SORCS3: variants seen among roughly 807,000 people sequenced by gnomAD.
SORCS3 encodes sortilin related VPS10 domain containing receptor 3.
Under a neutral mutation model 146.3 loss-of-function variants are expected in SORCS3, and 57 were observed. The ratio of observed to expected loss-of-function variants is 0.39; its 90% CI spans 0.31 to 0.49. The LOEUF is 0.49. SORCS3 is among the 20% of genes least tolerant of loss of function. The pLI is 0.92. For synonymous variants in SORCS3, 653 were observed against 618.5 expected (o/e 1.06, Z -0.83); for missense variants, 1,341 against 1,575.5 (o/e 0.85, Z 2.52).
At chr10:105,000,017 G>A (rs189460090) in intron 4 of SORCS3, among the ~76,000 whole-genome samples, 1 of 151,858 alleles carries the variant, frequency 6.6e-6, no homozygotes, top group South Asian at 2.1e-4. Flanking sequence ...ATAAAGTACA[G>A]TCTTCCTAAA....
chr10:104,876,148 CTG>C (rs1420924411), intron 2 of SORCS3, among the ~76,000 whole-genome samples: 1 of 152,196 alleles, frequency 6.6e-6, no homozygotes, highest in Non-Finnish European at 1.5e-5. Context: ...ACAAAAAGGA[CTG>C]TGACTTCAAC....
At chr10:104,813,642 C>A (rs994016028) in intron 1 of SORCS3, among the ~76,000 whole-genome samples, 1 of 152,150 alleles carries the variant, frequency 6.6e-6, no homozygotes, top group African/African-American at 2.4e-5. Context: ...CTGTCCCACA[C>A]CCCTTAGCCT....
intron 5 of SORCS3, among the ~76,000 whole-genome samples, chr10:105,080,742 T>C (rs972764502): frequency 1.3e-5 from 2 of 152,124 alleles, no homozygotes; most frequent in African/African-American, 4.8e-5. Context: ...AGGGGTCCAG[T>C]TTCAATCTTC....
chr10:105,219,426 G>A (rs1055521398), intron 19 of SORCS3, among the ~76,000 whole-genome samples: 2 of 152,106 alleles, frequency 1.3e-5, no homozygotes, highest in African/African-American at 4.8e-5. Flanking sequence ...CTTCTGCCTG[G>A]CATATACCAA....
chr10:104,855,528 G>A (rs2018320955), intron 2 of SORCS3, among the ~76,000 whole-genome samples: 1 of 152,106 alleles, frequency 6.6e-6, no homozygotes, highest in Non-Finnish European at 1.5e-5. Context: ...AAATCTGTGT[G>A]TATTTTGTTA....
intron 5 of SORCS3, among the ~76,000 whole-genome samples, chr10:105,055,703 G>C (rs1360646734): frequency 3.3e-5 from 5 of 152,172 alleles, no homozygotes; most frequent in African/African-American, 1.2e-4. Flanking sequence ...AAGTTAGAAA[G>C]CATCTGCACT....
At chr10:105,081,587 A>G (rs146732626) in intron 5 of SORCS3, among the ~76,000 whole-genome samples, 21 of 152,260 alleles carry the variant, frequency 1.4e-4, no homozygotes, top group African/African-American at 5.1e-4. Context: ...TAGGATTTGG[A>G]GACTGTTTGC....
intron 7 of SORCS3, among the ~76,000 whole-genome samples, chr10:105,132,114 G>T (rs556396325): frequency 6.6e-6 from 1 of 152,076 alleles, no homozygotes; most frequent in Admixed American, 6.6e-5. Context: ...AGATAAACTT[G>T]GGTTCAAATT....
intron 1 of SORCS3, among the ~76,000 whole-genome samples, chr10:104,690,317 G>T (rs536840039): frequency 6.6e-6 from 1 of 152,306 alleles, no homozygotes; most frequent in South Asian, 2.1e-4. Flanking sequence ...TTCTGCTGCC[G>T]TGCTCCTCTC....
At chr10:105,206,732 A>G (rs528393406) in intron 16 of SORCS3, among the ~76,000 whole-genome samples, 1 of 152,334 alleles carries the variant, frequency 6.6e-6, no homozygotes, top group Non-Finnish European at 1.5e-5. Context: ...CTTATGTCTT[A>G]GCTAAATGAT....
At chr10:104,693,928 G>C (rs1053726581) in intron 1 of SORCS3, among the ~76,000 whole-genome samples, 4 of 152,004 alleles carry the variant, frequency 2.6e-5, no homozygotes, top group African/African-American at 4.8e-5. Context: ...CATGGGGAGT[G>C]GAAATGTAAT....
At chr10:104,980,309 T>G (rs115156580) in intron 4 of SORCS3, among the ~76,000 whole-genome samples, 1,681 of 152,362 alleles carry the variant, frequency 0.011, 28 homozygotes, top group African/African-American at 0.038. Flanking sequence ...TTGGCCGTTC[T>G]TCTTTTAAAT....
intron 4 of SORCS3, among the ~76,000 whole-genome samples, chr10:105,003,882 G>A (rs1365121517): frequency 6.6e-6 from 1 of 152,016 alleles, no homozygotes; most frequent in Non-Finnish European, 1.5e-5. Flanking sequence ...GCTTCTTGTG[G>A]GCACTTCATT....
At chr10:104,982,334 T>C (rs1320571765) in intron 4 of SORCS3, among the ~76,000 whole-genome samples, 2 of 152,204 alleles carry the variant, frequency 1.3e-5, no homozygotes, top group South Asian at 2.1e-4. Flanking sequence ...AAAGAAACTG[T>C]GACTTTCATT....
rs2056971057 is a variant in SORCS3 at position 105,263,064 on chromosome 10, A to T, written c.3605-246A>T. On this transcript the variant is annotated intron_variant, in intron 26 of 26. Transcript: ENST00000369701. ...ATACACATTGGCTGTTACTGTTGTT[A>T]TCAATAGAATATAAGATAGCAGTCA... is the stretch of plus-strand genomic sequence containing the variant. 2.0e-5 allele frequency among the ~76,000 whole-genome samples: 3 copies of T among 152,260 alleles called. No individual in the cohort carries two copies. The South Asian group carries it at 6.2e-4, about 31-fold the overall frequency.
chr10:104,881,548 T>C (rs1483411879), intron 2 of SORCS3, among the ~76,000 whole-genome samples: 1 of 152,208 alleles, frequency 6.6e-6, no homozygotes, highest in Non-Finnish European at 1.5e-5. Context: ...CCTTTTTCCT[T>C]GATTAAAGAG....
chr10:105,217,958 G>A (rs2056675486), intron 19 of SORCS3: 9 of 446,832 alleles, frequency 2.0e-5, no homozygotes, highest in South Asian at 1.4e-4. Flanking sequence ...CCCCACAAGA[G>A]TTTCCAGGTA....
At chr10:104,793,037 C>G (rs2133501431) in intron 1 of SORCS3, among the ~76,000 whole-genome samples, 1 of 152,258 alleles carries the variant, frequency 6.6e-6, no homozygotes, top group Middle Eastern at 3.4e-3. Context: ...TTTTCATCAT[C>G]ACAACAAACC....
intron 1 of SORCS3, among the ~76,000 whole-genome samples, chr10:104,803,189 A>T (rs2017643598): frequency 6.6e-6 from 1 of 152,224 alleles, no homozygotes; most frequent in Admixed American, 6.5e-5. Context: ...ACAAACAAAA[A>T]CTTAGACTCA....
Sources: gnomAD v4.1 joint callset for allele counts (sites outside exome capture counted in the v4.1 genomes callset) on GRCh38, gnomAD v4.1.1 for gene constraint, MANE v1.5 for transcripts, NCBI Gene and HGNC (gene_info 2026-07-23, HGNC 2026-07-21) for gene names.